The following FUT9 variants were observed in gnomAD, a reference collection of about 807,000 sequenced individuals.
The protein encoded by FUT9 is 4-galactosyl-N-acetylglucosaminide 3-alpha-L-fucosyltransferase 9.
In FUT9, 15 loss-of-function variants were observed where a neutral mutation model predicts 29.7. The observed-to-expected ratio is 0.51, with a 90% CI of 0.34 to 0.78. FUT9 has a LOEUF of 0.78. FUT9 is among the 30% of genes least tolerant of loss of function. The pLI is 0.01. For synonymous variants in FUT9, 169 were observed against 153.7 expected (o/e 1.10, Z -0.74); for missense variants, 319 against 425.4 (o/e 0.75, Z 2.20).
intron 1 of FUT9, among the ~76,000 whole-genome samples, chr6:96,085,613 G>T (rs964289904): frequency 3.0e-5 from 4 of 131,976 alleles, no homozygotes; most frequent in African/African-American, 1.2e-4. Context: ...AACAAGCCAG[G>T]TTTGTCAAAC....
At chr6:96,192,018 A>T (rs1044890382) in intron 2 of FUT9, among the ~76,000 whole-genome samples, 1 of 152,062 alleles carries the variant, frequency 6.6e-6, no homozygotes, top group Non-Finnish European at 1.5e-5. Context: ...CATGCAAAAA[A>T]CTCTCAATAA....
At chr6:96,153,098 A>C (rs1257953485) in intron 2 of FUT9, among the ~76,000 whole-genome samples, 1 of 152,118 alleles carries the variant, frequency 6.6e-6, no homozygotes, top group African/African-American at 2.4e-5. Context: ...ACATCCTTCC[A>C]TTTCTCCTGC....
chr6:96,101,404 T>G (rs1296830305), intron 1 of FUT9, among the ~76,000 whole-genome samples: 1 of 151,490 alleles, frequency 6.6e-6, no homozygotes, highest in Non-Finnish European at 1.5e-5. Flanking sequence ...GCCAGATGTG[T>G]TGTGGGGGCT....
intron 1 of FUT9, among the ~76,000 whole-genome samples, chr6:96,101,191 C>T (rs1771580092): frequency 6.6e-6 from 1 of 152,074 alleles, no homozygotes; most frequent in Non-Finnish European, 1.5e-5. Flanking sequence ...GTGTGGGTGT[C>T]TTGTTTTACT....
chr6:96,127,464 G>A lies in FUT9; in HGVS notation c.-9+13337G>A, dbSNP rs144929324. ...ATTGATGAGCTTTTAGGTTTATTCC[G>A]TGTCTTTGGTATTGTGAATAGTGCT... On this transcript the variant is annotated intron_variant, in intron 2 of 2. Coordinates refer to ENST00000302103, the MANE Select transcript of FUT9 (RefSeq NM_006581.4). Among the ~76,000 whole-genome samples, 37 of 151,994 alleles carry A rather than the reference G, an allele frequency of 2.4e-4. No individual in the cohort carries two copies. The East Asian group carries it at 3.3e-3, about 14-fold the overall frequency.
intron 2 of FUT9, among the ~76,000 whole-genome samples, chr6:96,196,048 G>T (rs1043968362): frequency 2.0e-5 from 3 of 152,066 alleles, no homozygotes; most frequent in Non-Finnish European, 4.4e-5. Flanking sequence ...GATAATTATG[G>T]ATATATTTTG....
At chr6:96,059,154 T>C (rs937972980) in intron 1 of FUT9, among the ~76,000 whole-genome samples, 3 of 152,204 alleles carry the variant, frequency 2.0e-5, no homozygotes, top group Non-Finnish European at 4.4e-5. Context: ...ATGTAGGTTG[T>C]GAACTAAAAC....
At chr6:96,171,385 A>G (rs1773109906) in intron 2 of FUT9, among the ~76,000 whole-genome samples, 1 of 152,184 alleles carries the variant, frequency 6.6e-6, no homozygotes, top group Non-Finnish European at 1.5e-5. Context: ...GCCCAAGAAA[A>G]GGCACTGTTG....
intron 1 of FUT9, among the ~76,000 whole-genome samples, chr6:96,083,290 CTCTG>C (rs1424624670): frequency 1.3e-5 from 2 of 152,020 alleles, no homozygotes; most frequent in Non-Finnish European, 2.9e-5. Context: ...AAGATAAGGG[CTCTG>C]TCTTTCTCAC....
At chr6:96,067,835 A>C (rs1235825886) in intron 1 of FUT9, among the ~76,000 whole-genome samples, 3 of 152,090 alleles carry the variant, frequency 2.0e-5, no homozygotes, top group Non-Finnish European at 2.9e-5. Context: ...AATTTCCTCA[A>C]ATTTTGTGCC....
At position 96,058,468 on chromosome 6, in the gene FUT9, C is replaced by CAA. The variant is rs3079049; in HGVS notation, c.-98+42273_-98+42274dup. Among the ~76,000 whole-genome samples the CAA allele has an allele frequency of 1.7e-3, 129 of 77,168 alleles. 5 individuals carry two copies. Among genetic ancestry groups the CAA allele is most frequent in the African/African-American group, 6.9e-3 (118 of 17,140 alleles). 50.6% of individuals were successfully genotyped at this position (77,168 alleles called of 152,430 possible). Reference sequence around the variant, plus strand: ...AAAGACTGGGAACCTGGCTTTATTCCAAAAAAAAAAAAAAAAAAGCCAGAA... The same window carrying CAA: ...AAAGACTGGGAACCTGGCTTTATTCCAAAAAAAAAAAAAAAAAAAAGCCAGAA... On this transcript the variant is annotated intron_variant, in intron 1 of 2. Coordinates refer to ENST00000302103, the MANE Select transcript of FUT9 (RefSeq NM_006581.4).
chr6:96,083,041 G>A (rs1474854734), intron 1 of FUT9, among the ~76,000 whole-genome samples: 1 of 151,802 alleles, frequency 6.6e-6, no homozygotes, highest in East Asian at 1.9e-4. Context: ...TTTTACTTTT[G>A]TCTCCCTATA....
At chr6:96,099,057 A>G (rs1771545391) in intron 1 of FUT9, among the ~76,000 whole-genome samples, 1 of 152,166 alleles carries the variant, frequency 6.6e-6, no homozygotes, top group South Asian at 2.1e-4. Context: ...CTGTATTATC[A>G]GAACCTTATG....
At chr6:96,153,016 T>G (rs1772706455) in intron 2 of FUT9, among the ~76,000 whole-genome samples, 1 of 152,176 alleles carries the variant, frequency 6.6e-6, no homozygotes, top group Non-Finnish European at 1.5e-5. Flanking sequence ...CTAAATGGAC[T>G]CAGAATGTTT....
intron 2 of FUT9, among the ~76,000 whole-genome samples, chr6:96,175,843 A>G (rs1773193210): frequency 6.6e-6 from 1 of 152,210 alleles, no homozygotes; most frequent in South Asian, 2.1e-4. Flanking sequence ...TAGATGGTAA[A>G]GCATTGTTTC....
At chr6:96,145,535 G>C (rs1772550175) in intron 2 of FUT9, among the ~76,000 whole-genome samples, 1 of 152,186 alleles carries the variant, frequency 6.6e-6, no homozygotes, top group Non-Finnish European at 1.5e-5. Flanking sequence ...ATGATGTATA[G>C]TGTGTTGGAT....
intron 2 of FUT9, among the ~76,000 whole-genome samples, chr6:96,140,728 C>T (rs1772447257): frequency 6.6e-6 from 1 of 152,118 alleles, no homozygotes; most frequent in South Asian, 2.1e-4. Flanking sequence ...TTTGCTGTCA[C>T]AAGAACAACA....
intron 1 of FUT9, among the ~76,000 whole-genome samples, chr6:96,052,734 C>T (rs1770692445): frequency 6.6e-6 from 1 of 151,894 alleles, no homozygotes. Context: ...AATGACTACA[C>T]TATAATTAAA....
At chr6:96,034,433 A>G (rs920345764) in intron 1 of FUT9, among the ~76,000 whole-genome samples, 2 of 151,754 alleles carry the variant, frequency 1.3e-5, no homozygotes, top group Non-Finnish European at 2.9e-5. Context: ...AGCAGAAAAA[A>G]TAAACAATAA....
Sources: gnomAD v4.1 joint callset for allele counts (sites outside exome capture counted in the v4.1 genomes callset) on GRCh38, gnomAD v4.1.1 for gene constraint, MANE v1.5 for transcripts, NCBI Gene and HGNC (gene_info 2026-07-23, HGNC 2026-07-21) for gene names.